The following COL9A1 variants were observed in gnomAD, a reference collection of about 807,000 sequenced individuals.
The protein encoded by COL9A1 is collagen alpha-1(IX) chain.
In COL9A1, 104 loss-of-function variants were observed where a neutral mutation model predicts 142.6. The observed-to-expected ratio is 0.73, with a 90% CI of 0.62 to 0.86. COL9A1 has a LOEUF of 0.86. COL9A1 is among the 40% of genes least tolerant of loss of function. The pLI, the probability that COL9A1 is intolerant of heterozygous loss-of-function variation, is 0.00. For synonymous variants in COL9A1, 466 were observed against 396.0 expected, an observed-to-expected ratio of 1.18 and a Z score of -2.10; for missense variants, 1,210 against 1,176.6, an observed-to-expected ratio of 1.03 and a Z score of -0.42.
intron 28 of COL9A1, among the ~76,000 whole-genome samples, chr6:70,250,187 G>C (rs937263297): frequency 2.0e-5 from 3 of 152,158 alleles, no homozygotes; most frequent in African/African-American, 7.2e-5. Context: ...CTTGAACCCA[G>C]GAGGTGGAGA....
At chr6:70,224,807 A>T (rs1381888527) in intron 37 of COL9A1, among the ~76,000 whole-genome samples, 2 of 152,220 alleles carry the variant, frequency 1.3e-5, no homozygotes, top group African/African-American at 4.8e-5. Context: ...TTCCAATTAT[A>T]AAAATTTATC....
chr6:70,267,385 C>T (rs768237614), intron 17 of COL9A1, among the ~76,000 whole-genome samples: 5 of 139,712 alleles, frequency 3.6e-5, no homozygotes, highest in South Asian at 4.5e-4. Flanking sequence ...TGCAATGGCG[C>T]GACCTCTGCT....
intron 28 of COL9A1, among the ~76,000 whole-genome samples, chr6:70,247,867 C>T (rs1770700001): frequency 6.6e-6 from 1 of 152,106 alleles, no homozygotes; most frequent in East Asian, 1.9e-4. Flanking sequence ...ACAGAGGAAA[C>T]ATGCCAGTGC....
chr6:70,279,648 CAAAAAA>C lies in COL9A1; in HGVS notation c.975+1158_975+1163del, dbSNP rs57993118. On this transcript the variant is annotated intron_variant, in intron 10 of 37. Transcript: ENST00000357250. Reference sequence around the variant, plus strand: ...GGGCAACAAGAGCGAAACTTCGTCTCAAAAAAAAAAAAAAAAAAAAAACACATACAC... The same window carrying C: ...GGGCAACAAGAGCGAAACTTCGTCTCAAAAAAAAAAAAAAAACACATACAC... 2.7e-3 allele frequency: 160 copies of C among 58,246 alleles called. 1 individual carries two copies. Among genetic ancestry groups the C allele is most frequent in the Middle Eastern group, 0.013 (1 of 76 alleles). The allele number at this position is 58,246 out of a possible 1,614,324, so 3.6% of individuals were successfully genotyped here. A position where few individuals can be genotyped will look rare whatever the true frequency, so the allele number is the denominator to read the frequency against.
In COL9A1 at chr6:70,239,261, T is replaced by C; in HGVS notation, c.2105A>G (p.Lys702Arg). The C allele has an allele frequency of 6.4e-7, 1 of 1,556,960 alleles. No homozygotes were observed. The highest frequency in any genetic ancestry group is 1.4e-5 in the African/African-American group (1 of 73,820). Residue 702 changes from lysine to arginine, a missense_variant, in exon 33 of 38, where the codon AAG becomes AGG. Lys to Arg is a conservative substitution (Grantham distance 26, BLOSUM62 2). Transcript: ENST00000357250. ...ACTATTCACCATACTTACAGATCCC[T>C]TTGGGCCAGGTAATCCTATATCTCC... is the stretch of plus-strand genomic sequence containing the variant. ...ELGDIGLPGP[K>R]GSAGNPGEPG... is the part of the protein sequence containing the mutation.
At chr6:70,261,259 A>G (rs765191800) in intron 19 of COL9A1, among the ~76,000 whole-genome samples, 2 of 152,122 alleles carry the variant, frequency 1.3e-5, no homozygotes, top group African/African-American at 2.4e-5. Flanking sequence ...CTGAATTCCA[A>G]CTCGGGGCAA....
chr6:70,227,864 G>C (rs1305182698), intron 36 of COL9A1, among the ~76,000 whole-genome samples: 1 of 151,956 alleles, frequency 6.6e-6, no homozygotes, highest in African/African-American at 2.4e-5. Context: ...CAGTGAAAAA[G>C]GCAAGTTCCA....
chr6:70,280,617 C>T (rs1773085976), intron 10 of COL9A1, 195 bp downstream of exon 10: 1 of 1,293,316 alleles, frequency 7.7e-7, no homozygotes. Context: ...AGAGAGGTAT[C>T]CTCACCTTCA....
intron 36 of COL9A1, among the ~76,000 whole-genome samples, chr6:70,231,239 C>T (rs1769519829): frequency 6.6e-6 from 1 of 152,158 alleles, no homozygotes; most frequent in Non-Finnish European, 1.5e-5. Context: ...TCGTCATGAT[C>T]CACCCGCTTT....
chr6:70,259,834 A>G (rs1191842423), intron 20 of COL9A1, among the ~76,000 whole-genome samples: 1 of 152,098 alleles, frequency 6.6e-6, no homozygotes, highest in African/African-American at 2.4e-5. Context: ...TTGGTATGGA[A>G]GTGCTGGGGG....
intron 37 of COL9A1, among the ~76,000 whole-genome samples, chr6:70,221,931 A>C (rs553239978): frequency 1.3e-4 from 20 of 152,238 alleles, no homozygotes; most frequent in African/African-American, 3.9e-4. Flanking sequence ...TGCTAATGTG[A>C]TCCACGTAGC....
chr6:70,251,528 T>C (rs190658444), intron 28 of COL9A1, among the ~76,000 whole-genome samples: 116 of 152,310 alleles, frequency 7.6e-4, no homozygotes, highest in Admixed American at 4.4e-3. Context: ...ACCTGGGTGA[T>C]TGAGAGACAC....
chr6:70,266,969 G>A (rs900777190), intron 17 of COL9A1, among the ~76,000 whole-genome samples, 199 bp from the exon 18 acceptor site: 5 of 152,154 alleles, frequency 3.3e-5, no homozygotes, highest in Admixed American at 3.3e-4. Context: ...TTACTTAATA[G>A]AAAAACACTG....
intron 14 of COL9A1, among the ~76,000 whole-genome samples, chr6:70,271,294 A>T (rs1772384931): frequency 6.6e-6 from 1 of 152,204 alleles, no homozygotes; most frequent in Admixed American, 6.5e-5. Context: ...AATGATCCTA[A>T]CATAAATACA....
At position 70,254,475 on chromosome 6, in the gene COL9A1, C is replaced by A; in HGVS notation, c.1719+1G>T. On this transcript the variant is annotated splice_donor_variant, in intron 25 of 37. Coordinates refer to ENST00000357250, the MANE Select transcript of COL9A1 (RefSeq NM_001851.6). LOFTEE classifies it high-confidence loss of function. ...TAACATGTAAAGAATCAAATACTTA[C>A]TGGTAACCCCTGCAATCCTGCATCA... The A allele has an allele frequency of 6.2e-7, 1 of 1,614,042 alleles. No homozygotes were observed. The highest frequency in any genetic ancestry group is 8.5e-7 in the Non-Finnish European group (1 of 1,179,916).
chr6:70,220,487 G>A (rs1390367172), intron 37 of COL9A1, among the ~76,000 whole-genome samples: 4 of 151,766 alleles, frequency 2.6e-5, no homozygotes, highest in Non-Finnish European at 5.9e-5. Context: ...ACAAAGCACA[G>A]TATTGACTTT....
intron 21 of COL9A1, 50 bp downstream of exon 21, chr6:70,256,718 C>G (rs369102437): frequency 1.5e-6 from 2 of 1,338,694 alleles, no homozygotes; most frequent in South Asian, 1.3e-5. Flanking sequence ...GCATACATAG[C>G]AAAAAAAAAA....
Position 70,229,540 on chromosome 6 carries a change from G to C in COL9A1, c.2503+3043C>G, listed in dbSNP as rs553387887. 2.0e-5 allele frequency among the ~76,000 whole-genome samples: 3 copies of C among 152,212 alleles called. No homozygotes were observed. In the South Asian group the frequency reaches 6.2e-4, roughly 32 times the overall value. ...TGTAAACAGATTATCACTGAGAAAG[G>C]TGTTAGTCATAATTATGACATGTGT... On this transcript the variant is annotated intron_variant, in intron 36 of 37. Transcript: ENST00000357250.
intron 28 of COL9A1, chr6:70,246,149 C>T (rs1363348579): frequency 6.6e-6 from 1 of 152,204 alleles, no homozygotes; most frequent in Non-Finnish European, 1.5e-5. Context: ...GGACGGATCA[C>T]CTGAGGTCAA....
Sources: allele counts gnomAD v4.1 joint callset (sites outside exome capture counted in the v4.1 genomes callset), GRCh38; gene constraint gnomAD v4.1.1; transcripts MANE v1.5; gene names NCBI Gene and HGNC (gene_info 2026-07-23, HGNC 2026-07-21).